C10orf90: variants seen among roughly 807,000 people sequenced by gnomAD.
The protein encoded by C10orf90 is (E2-independent) E3 ubiquitin-conjugating enzyme FATS.
In C10orf90, 56 loss-of-function variants were observed where a neutral mutation model predicts 62.5. That is an observed-to-expected ratio of 0.90 (90% CI 0.72 to 1.12). C10orf90 has a LOEUF of 1.12. Among genes scored for constraint, C10orf90 ranks in the 50% most tolerant of loss-of-function variants. C10orf90 has a pLI of 0.00. For synonymous variants in C10orf90, 386 were observed against 340.4 expected (o/e 1.13, Z -1.47); for missense variants, 970 against 880.4 (o/e 1.10, Z -1.29).
intron 4 of C10orf90, among the ~76,000 whole-genome samples, chr10:126,485,295 T>G (rs1177926236): frequency 6.6e-6 from 1 of 152,190 alleles, no homozygotes; most frequent in Non-Finnish European, 1.5e-5. Context: ...TCTCCAGAAC[T>G]GTGAATAATA....
intron 2 of C10orf90, among the ~76,000 whole-genome samples, chr10:126,606,789 A>G (rs1454438588): frequency 2.0e-5 from 3 of 152,204 alleles, no homozygotes; most frequent in Non-Finnish European, 4.4e-5. Context: ...ATTTTGGACT[A>G]TTCACACAAA....
intron 2 of C10orf90, among the ~76,000 whole-genome samples, chr10:126,536,287 A>C (rs916108412): frequency 6.6e-6 from 1 of 152,202 alleles, no homozygotes; most frequent in African/African-American, 2.4e-5. Context: ...AGGGTAAGGA[A>C]GCATCTCCCT....
chr10:126,618,057 C>T (rs570581740), intron 2 of C10orf90, among the ~76,000 whole-genome samples: 207 of 152,276 alleles, frequency 1.4e-3, no homozygotes, highest in African/African-American at 4.9e-3. Flanking sequence ...AAATGCCTTC[C>T]TAAGGGAATA....
intron 4 of C10orf90, among the ~76,000 whole-genome samples, chr10:126,471,134 C>T (rs999372471): frequency 2.6e-5 from 4 of 152,106 alleles, no homozygotes; most frequent in African/African-American, 9.7e-5. Flanking sequence ...CAGTGAGCTG[C>T]GTTACCCACA....
At chr10:126,586,902 G>A (rs1424149410) in intron 2 of C10orf90, among the ~76,000 whole-genome samples, 1 of 152,180 alleles carries the variant, frequency 6.6e-6, no homozygotes, top group African/African-American at 2.4e-5. Context: ...AATAGTCCGA[G>A]ATGATGGGGC....
At chr10:126,626,712 G>C (rs111938589) in intron 2 of C10orf90, among the ~76,000 whole-genome samples, 16 of 152,300 alleles carry the variant, frequency 1.1e-4, no homozygotes, top group African/African-American at 3.8e-4. Context: ...CACAGGGATC[G>C]ATACAGTGAG....
chr10:126,574,705 A>C (rs1219545960), intron 2 of C10orf90, among the ~76,000 whole-genome samples: 4 of 152,108 alleles, frequency 2.6e-5, no homozygotes, highest in Non-Finnish European at 4.4e-5. Flanking sequence ...AATATTAATT[A>C]ATAATCTCCA....
At chr10:126,524,957 G>A (rs1863891067) in intron 2 of C10orf90, 5 of 693,076 alleles carry the variant, frequency 7.2e-6, no homozygotes, top group Non-Finnish European at 7.1e-6. Flanking sequence ...GTCATAGTGT[G>A]GTTTGATTTC....
At chr10:126,649,393 C>T (rs989043292) in intron 1 of C10orf90, among the ~76,000 whole-genome samples, 1 of 152,074 alleles carries the variant, frequency 6.6e-6, no homozygotes, top group African/African-American at 2.4e-5. Flanking sequence ...GGTGCCCCTG[C>T]TCATCTCTGT....
At chr10:126,499,652 G>A (rs188206019) in intron 4 of C10orf90, among the ~76,000 whole-genome samples, 2 of 152,274 alleles carry the variant, frequency 1.3e-5, no homozygotes, top group Admixed American at 6.5e-5. Flanking sequence ...TTGGAGACCT[G>A]GCAAGGACTT....
intron 2 of C10orf90, among the ~76,000 whole-genome samples, chr10:126,597,316 C>T (rs1190347490): frequency 6.6e-6 from 1 of 152,172 alleles, no homozygotes. Context: ...TAGTACTCAG[C>T]AATAGAAAGG....
chr10:126,501,257 G>C (rs1002293789), intron 4 of C10orf90, among the ~76,000 whole-genome samples: 1 of 152,208 alleles, frequency 6.6e-6, no homozygotes, highest in African/African-American at 2.4e-5. Flanking sequence ...ACAGCCCGTG[G>C]TCATTAGAGT....
chr10:126,648,234 G>T (rs963803571), intron 1 of C10orf90, among the ~76,000 whole-genome samples: 9 of 152,116 alleles, frequency 5.9e-5, no homozygotes, highest in African/African-American at 2.2e-4. Context: ...ATTGTAGTAA[G>T]GATGTACTTC....
intron 2 of C10orf90, among the ~76,000 whole-genome samples, chr10:126,540,693 ATAGT>A (rs1186229956): frequency 1.6e-4 from 24 of 150,870 alleles, no homozygotes; most frequent in Admixed American, 4.0e-4. Flanking sequence ...AAGAACCAAG[ATAGT>A]TAGTGAGAAC....
intron 7 of C10orf90, among the ~76,000 whole-genome samples, chr10:126,443,646 G>A (rs1428517926): frequency 2.0e-5 from 3 of 151,944 alleles, no homozygotes; most frequent in African/African-American, 7.3e-5. Context: ...CCAGAAGATG[G>A]AGAAAAAGGA....
chr10:126,623,011 C>T (rs1845675950), intron 2 of C10orf90, among the ~76,000 whole-genome samples: 1 of 152,202 alleles, frequency 6.6e-6, no homozygotes, highest in African/African-American at 2.4e-5. Flanking sequence ...ATGCCATCAT[C>T]CTCCATGGGA....
chr10:126,597,132 A>G (rs1845103073), intron 2 of C10orf90, among the ~76,000 whole-genome samples: 1 of 152,230 alleles, frequency 6.6e-6, no homozygotes, highest in African/African-American at 2.4e-5. Flanking sequence ...TCACTTTGGA[A>G]TACTGTTTGG....
chr10:126,566,588 G>C (rs532906520), intron 2 of C10orf90, among the ~76,000 whole-genome samples: 2 of 152,314 alleles, frequency 1.3e-5, no homozygotes, highest in African/African-American at 4.8e-5. Flanking sequence ...AGAAGGCAAA[G>C]GGTATTCCAA....
intron 2 of C10orf90, among the ~76,000 whole-genome samples, chr10:126,523,277 A>G (rs2133944553): frequency 6.6e-6 from 1 of 152,216 alleles, no homozygotes; most frequent in African/African-American, 2.4e-5. Context: ...GGGGCACCAG[A>G]CTCAAGGATG....
Sources: allele counts gnomAD v4.1 joint callset (sites outside exome capture counted in the v4.1 genomes callset), GRCh38; gene constraint gnomAD v4.1.1; transcripts MANE v1.5; gene names NCBI Gene and HGNC (gene_info 2026-07-23, HGNC 2026-07-21).